MTRR: variants seen among roughly 807,000 people sequenced by gnomAD.
MTRR encodes the protein 5-methyltetrahydrofolate-homocysteine methyltransferase reductase.
MTRR carries 63 observed loss-of-function variants against 79.2 expected under a neutral mutation model. The observed-to-expected ratio is 0.80, with a 90% CI of 0.65 to 0.98. MTRR has a LOEUF of 0.98. MTRR is among the 50% of genes least tolerant of loss of function. The pLI, the probability that MTRR is intolerant of heterozygous loss-of-function variation, is 0.00. For missense variants in MTRR, 895 were observed against 839.6 expected (o/e 1.07, Z -0.82); for synonymous variants, 355 against 313.3 (o/e 1.13, Z -1.41).
rs556236697 is a variant in MTRR, at chr5:7,863,436, C to T, written n.498+1379C>T. The T allele has an allele frequency of 1.1e-4, 18 of 160,718 alleles. No homozygotes were observed. The South Asian group carries it at 1.3e-3, about 12-fold the overall frequency. The allele number at this position is 160,718 out of a possible 1,614,324, so 10.0% of individuals were successfully genotyped here. A position where few individuals can be genotyped will look rare whatever the true frequency, so the allele number is the denominator to read the frequency against. Reference sequence around the variant, plus strand: ...CCAAAATCCAAAATGCTCCAAAATCCGAAACCTTTTAAGCACAGACAGGCT... The same window carrying T: ...CCAAAATCCAAAATGCTCCAAAATCTGAAACCTTTTAAGCACAGACAGGCT... On this transcript the variant is annotated intron_variant and non_coding_transcript_variant, in intron 2 of 3. Coordinates refer to the MTRR transcript ENST00000502509.
upstream of MTRR, chr5:7,866,764 G>A (rs767650257): frequency 3.7e-6 from 6 of 1,614,100 alleles, 1 homozygote; most frequent in South Asian, 5.5e-5. Context: ...GAAAATAATT[G>A]AAATGAGTGA....
intron 2 of MTRR, among the ~76,000 whole-genome samples, chr5:7,873,109 A>C (rs1748273668): frequency 6.6e-6 from 1 of 152,160 alleles, no homozygotes; most frequent in African/African-American, 2.4e-5. Context: ...TTCGTACACA[A>C]CATGAAGAGA....
At chr5:7,864,813 A>G (rs1746819598), upstream of MTRR, among the ~76,000 whole-genome samples, 2 of 150,278 alleles carry the variant, frequency 1.3e-5, no homozygotes, top group Non-Finnish European at 2.9e-5. Flanking sequence ...ACTATTAGGG[A>G]AAAAAAATCT....
chr5:7,885,634 A>G lies in MTRR; in HGVS notation c.904-67A>G. Reference sequence around the variant, plus strand: ...TAATATTGAAAACTATATTTTTGTTACCCTACAGCTTAAACTATGTAACAC... The same window carrying G: ...TAATATTGAAAACTATATTTTTGTTGCCCTACAGCTTAAACTATGTAACAC... On this transcript the variant is annotated intron_variant, in intron 6 of 14. Coordinates refer to ENST00000440940, the MANE Select transcript of MTRR (RefSeq NM_002454.3). 2.1e-6 allele frequency: 3 copies of G among 1,452,328 alleles called. No individual in the cohort carries two copies. The South Asian group carries it at 3.7e-5, about 18-fold the overall frequency. 90.0% of individuals were successfully genotyped at this position (1,452,328 alleles called of 1,614,324 possible).
At chr5:7,893,978 C>T (rs1051857127) in intron 11 of MTRR, among the ~76,000 whole-genome samples, 15 of 152,086 alleles carry the variant, frequency 9.9e-5, no homozygotes, top group African/African-American at 3.6e-4. Flanking sequence ...TACTGATATA[C>T]AAGTATATGT....
chr5:7,859,411 T>C (rs941128333), intron 1 of MTRR: 7 of 1,445,874 alleles, frequency 4.8e-6, no homozygotes, highest in Non-Finnish European at 6.7e-6. Context: ...AGTTCTTCCA[T>C]TGTTTGAGTT....
Position 7,871,047 on chromosome 5 carries a change from G to A in MTRR, c.129+124G>A, listed in dbSNP as rs561560746. The A allele has an allele frequency of 1.9e-5, 22 of 1,170,192 alleles. No homozygotes were observed. The Admixed American group carries it at 3.6e-4, about 19-fold the overall frequency. 72.5% of individuals were successfully genotyped at this position (1,170,192 alleles called of 1,614,324 possible). ...AGTCTTTGTTTTTTAACAGAAATGTGTTTGTTCAATGGTATAGTAAGATAT... is the reference window on the plus strand; with the variant it reads ...AGTCTTTGTTTTTTAACAGAAATGTATTTGTTCAATGGTATAGTAAGATAT... On this transcript the variant is annotated intron_variant, in intron 2 of 14. Transcript: ENST00000440940.
chr5:7,851,129 C>G, upstream of MTRR: 1 of 1,200,112 alleles, frequency 8.3e-7, no homozygotes, highest in Non-Finnish European at 1.0e-6. Context: ...GTCTAGCCCG[C>G]GTCTGTGTTC....
chr5:7,850,969 C>T (rs377083405), upstream of MTRR: 37 of 1,320,954 alleles, frequency 2.8e-5, no homozygotes, highest in East Asian at 5.2e-4. Context: ...GGGCGGCGGC[C>T]TGGGCTTGCC....
chr5:7,894,071 A>G (rs74363291), intron 11 of MTRR, among the ~76,000 whole-genome samples: 2,548 of 152,298 alleles, frequency 0.017, 33 homozygotes, highest in Non-Finnish European at 0.025. Flanking sequence ...TAAACACTAA[A>G]CATGGGTGCC....
In MTRR at chr5:7,888,553, G is replaced by A. The variant is rs375008954; in HGVS notation, c.1147-542G>A. Among the ~76,000 whole-genome samples, 3 of 152,168 alleles carry A rather than the reference G, an allele frequency of 2.0e-5. No individual in the cohort carries two copies. The South Asian group carries it at 6.2e-4, about 32-fold the overall frequency. ...ACACGTGTAATTTGTTAGTGTCCAG[G>A]TATTTTAGACAGAGATTCTTCAGCC... On this transcript the variant is annotated intron_variant, in intron 8 of 14. Coordinates refer to ENST00000440940, the MANE Select transcript of MTRR (RefSeq NM_002454.3).
upstream of MTRR, chr5:7,867,227 G>A (rs1747027137): frequency 1.2e-6 from 2 of 1,614,048 alleles, no homozygotes; most frequent in Non-Finnish European, 1.7e-6. Context: ...GGAAACTATT[G>A]ATAGGGAAAA....
intron 8 of MTRR, among the ~76,000 whole-genome samples, chr5:7,887,373 CA>C (rs1257755264): frequency 6.6e-6 from 1 of 151,778 alleles, no homozygotes; most frequent in African/African-American, 2.4e-5. Context: ...TACAATTTTT[CA>C]AATGTGCCTT....
chr5:7,897,158 A>G lies in MTRR; in HGVS notation c.1863A>G (p.Pro621=), dbSNP rs371070705. ...CTCCTGTTGGGGAGGAGGAAGCCCC[A>G]GCAAAGTATGTGCAAGACAACATCC... ...RDAPVGEEEA[P]AKYVQDNIQL... The change falls in exon 14 of 15, where the codon CCA becomes CCG. Residue 621 remains proline, a synonymous_variant. Transcript: ENST00000440940. 1.9e-6 allele frequency: 3 copies of G among 1,614,190 alleles called. No homozygotes were observed. The highest frequency in any genetic ancestry group is 1.1e-5 in the South Asian group (1 of 91,080).
upstream of MTRR, among the ~76,000 whole-genome samples, chr5:7,865,319 C>T (rs1019331770): frequency 6.6e-6 from 1 of 152,054 alleles, no homozygotes; most frequent in Non-Finnish European, 1.5e-5. Flanking sequence ...AAATCAGATA[C>T]TCTAAACTAT....
At chr5:7,879,404 A>G (rs1735161194) in intron 5 of MTRR, among the ~76,000 whole-genome samples, 2 of 143,628 alleles carry the variant, frequency 1.4e-5, no homozygotes, top group Non-Finnish European at 3.0e-5. Context: ...CGGAGGTTGC[A>G]GTGAGCCAAG....
intron 1 of MTRR, among the ~76,000 whole-genome samples, chr5:7,860,800 C>A (rs970941421): frequency 6.6e-5 from 10 of 152,156 alleles, no homozygotes; most frequent in Non-Finnish European, 1.5e-4. Context: ...CTTGTAGAAG[C>A]TTCTACTACA....
At chr5:7,867,295 C>T (rs1220964614), upstream of MTRR, 2 of 1,613,700 alleles carry the variant, frequency 1.2e-6, no homozygotes, top group Admixed American at 3.3e-5. Context: ...TACATGCCTG[C>T]AAGATTCTAT....
intron 2 of MTRR, among the ~76,000 whole-genome samples, chr5:7,871,400 T>C (rs1210146520): frequency 6.6e-6 from 1 of 152,216 alleles, no homozygotes; most frequent in African/African-American, 2.4e-5. Context: ...ACTCGGCTGC[T>C]TCTTCAGGGA....
Sources: gnomAD v4.1 joint callset for allele counts (sites outside exome capture counted in the v4.1 genomes callset) on GRCh38, gnomAD v4.1.1 for gene constraint, MANE v1.5 for transcripts, NCBI Gene and HGNC (gene_info 2026-07-23, HGNC 2026-07-21) for gene names.